The following MAP2K5 variants were observed in gnomAD, a reference collection of about 807,000 sequenced individuals.
The protein encoded by MAP2K5 is mitogen-activated protein kinase kinase 5.
MAP2K5 carries 49 observed loss-of-function variants against 83.1 expected under a neutral mutation model. That is an observed-to-expected ratio of 0.59 (90% CI 0.47 to 0.75). MAP2K5 has a LOEUF of 0.75. MAP2K5 is among the 30% of genes least tolerant of loss of function. MAP2K5 has a pLI of 0.00. For missense variants in MAP2K5, 457 were observed against 557.5 expected (o/e 0.82, Z 1.82); for synonymous variants, 202 against 191.8 (o/e 1.05, Z -0.44).
rs978908730 is a variant in MAP2K5, at chr15:67,749,110, G to A, written c.1134+509G>A. On this transcript the variant is annotated intron_variant, in intron 19 of 21. Coordinates refer to ENST00000178640, the MANE Select transcript of MAP2K5 (RefSeq NM_145160.3). This position sits in a 1 kb window ranked among gnomAD's most constrained non-coding sequence, Gnocchi z 4.6. ...TAATTAGGCATTTTTCTCAGAATAT[G>A]TCCCTAACATCTTGTGTATTCTAGT... 6.6e-6 allele frequency among the ~76,000 whole-genome samples: 1 copy of A among 152,160 alleles called. No homozygotes were observed. Among genetic ancestry groups the A allele is most frequent in the Admixed American group, 6.5e-5 (1 of 15,272 alleles).
intron 13 of MAP2K5, chr15:67,670,569 AAAG>A (rs1426520985): frequency 2.7e-6 from 1 of 376,120 alleles, no homozygotes; most frequent in African/African-American, 2.1e-5. Context: ...GACACTCTAG[AAAG>A]AAGTTTTCCC....
At chr15:67,703,143 T>G (rs2088463934) in intron 15 of MAP2K5, among the ~76,000 whole-genome samples, 194 bp from the exon 16 acceptor site, 1 of 152,202 alleles carries the variant, frequency 6.6e-6, no homozygotes, top group Admixed American at 6.5e-5. Flanking sequence ...AGAATATATC[T>G]ATATATAATT....
At chr15:67,617,241 T>C (rs914029148) in intron 8 of MAP2K5, among the ~76,000 whole-genome samples, 2 of 152,168 alleles carry the variant, frequency 1.3e-5, no homozygotes, top group Non-Finnish European at 2.9e-5. Context: ...TAGGCCAGCC[T>C]CCCCCATTCT....
chr15:67,563,453 T>G lies in MAP2K5; in HGVS notation c.252+103T>G. The G allele has an allele frequency of 7.1e-7, 1 of 1,408,210 alleles. No homozygotes were observed. Among genetic ancestry groups the G allele is most frequent in the Admixed American group, 2.4e-5 (1 of 41,560 alleles). The allele number at this position is 1,408,210 out of a possible 1,614,324, so 87.2% of individuals were successfully genotyped here. ...ACGAGTAAATAAATCACAGTTGTCA[T>G]ACATTTTTCTATATAATAGGTAAAG... On this transcript the variant is annotated intron_variant, in intron 3 of 21. Coordinates refer to ENST00000178640, the MANE Select transcript of MAP2K5 (RefSeq NM_145160.3). This position sits in a 1 kb window ranked among gnomAD's most constrained non-coding sequence, Gnocchi z 4.5.
At chr15:67,605,012 A>C (rs571747468) in intron 8 of MAP2K5, among the ~76,000 whole-genome samples, 19 of 151,824 alleles carry the variant, frequency 1.3e-4, no homozygotes, top group African/African-American at 4.6e-4. Flanking sequence ...TAGAAAAATT[A>C]TTTACATTTT....
rs1477926525 is a variant in MAP2K5, at chr15:67,750,929, A to G, written c.1134+2328A>G. Among the ~76,000 whole-genome samples the G allele has an allele frequency of 6.6e-6, 1 of 152,124 alleles. No individual in the cohort carries two copies. The highest frequency in any genetic ancestry group is 1.5e-5 in the Non-Finnish European group (1 of 68,032). On this transcript the variant is annotated intron_variant, in intron 19 of 21. Transcript: ENST00000178640. This position sits in a 1 kb window ranked among gnomAD's most constrained non-coding sequence, Gnocchi z 4.2. Reference sequence around the variant, plus strand: ...GATCAAAAATTACTTCCCCTGAGGGAAGTTCAGACAAGATGGGTATATTTG... The same window carrying G: ...GATCAAAAATTACTTCCCCTGAGGGGAGTTCAGACAAGATGGGTATATTTG...
At chr15:67,693,005 C>T (rs559344340) in intron 14 of MAP2K5, among the ~76,000 whole-genome samples, 6 of 152,168 alleles carry the variant, frequency 3.9e-5, no homozygotes, top group Non-Finnish European at 7.3e-5. Context: ...GATAGTGACC[C>T]ATGAGCATGC....
intron 12 of MAP2K5, 76 bp from the exon 13 acceptor site, chr15:67,664,520 GA>G: frequency 3.4e-6 from 3 of 889,888 alleles, no homozygotes; most frequent in Non-Finnish European, 3.6e-6. Flanking sequence ...AAAAAATGTT[GA>G]ATGTATTTAA....
chr15:67,751,156 C>T (rs934470647), intron 19 of MAP2K5, among the ~76,000 whole-genome samples: 1 of 151,982 alleles, frequency 6.6e-6, no homozygotes, highest in Non-Finnish European at 1.5e-5. Flanking sequence ...TGGAACAAAG[C>T]CAGAGTTAGC....
At chr15:67,617,495 A>G (rs1398516414) in intron 8 of MAP2K5, among the ~76,000 whole-genome samples, 1 of 152,154 alleles carries the variant, frequency 6.6e-6, no homozygotes, top group Non-Finnish European at 1.5e-5. Flanking sequence ...GATGATTCAT[A>G]TTTTTTGGTT....
At chr15:67,671,042 C>CA (rs2087521406) in intron 13 of MAP2K5, among the ~76,000 whole-genome samples, 2 of 152,222 alleles carry the variant, frequency 1.3e-5, no homozygotes, top group Admixed American at 1.3e-4. Context: ...CTGACTGCCT[C>CA]ACTGGGTGAC....
At chr15:67,733,795 G>T (rs1291422585) in intron 17 of MAP2K5, among the ~76,000 whole-genome samples, 3 of 152,158 alleles carry the variant, frequency 2.0e-5, no homozygotes, top group African/African-American at 7.2e-5. Context: ...TGAAAAATAT[G>T]CATTCTTAAT....
chr15:67,627,516 C>G (rs910842816), intron 8 of MAP2K5, among the ~76,000 whole-genome samples: 1 of 152,206 alleles, frequency 6.6e-6, no homozygotes, highest in Admixed American at 6.5e-5. Flanking sequence ...TCTTATAACA[C>G]TCATATATTT....
At chr15:67,570,563 C>T (rs1006689598) in intron 3 of MAP2K5, among the ~76,000 whole-genome samples, 1 of 152,048 alleles carries the variant, frequency 6.6e-6, no homozygotes, top group East Asian at 1.9e-4. Flanking sequence ...TATTTTTGAC[C>T]ACTGGGGCAG....
chr15:67,566,673 C>G (rs1172433983), intron 3 of MAP2K5, among the ~76,000 whole-genome samples: 1 of 152,238 alleles, frequency 6.6e-6, no homozygotes, highest in East Asian at 1.9e-4. Flanking sequence ...TTTGCAACCT[C>G]TGAGTTGAAA....
At chr15:67,743,572 T>C (rs182172016) in intron 17 of MAP2K5, among the ~76,000 whole-genome samples, 2 of 152,342 alleles carry the variant, frequency 1.3e-5, no homozygotes, top group African/African-American at 4.8e-5. Flanking sequence ...GTGATTTGTT[T>C]GGGAACTCTT....
intron 16 of MAP2K5, among the ~76,000 whole-genome samples, chr15:67,704,178 A>G (rs2088494407): frequency 6.6e-6 from 1 of 152,240 alleles, no homozygotes; most frequent in African/African-American, 2.4e-5. Flanking sequence ...GAATTATGGT[A>G]GTATAGAACC....
intron 8 of MAP2K5, among the ~76,000 whole-genome samples, chr15:67,609,023 C>G (rs898489947): frequency 6.6e-6 from 1 of 152,154 alleles, no homozygotes; most frequent in Non-Finnish European, 1.5e-5. Flanking sequence ...TGCTGGGTGA[C>G]TCTGGGAAGT....
intron 19 of MAP2K5, among the ~76,000 whole-genome samples, chr15:67,753,251 A>G (rs1485143597): frequency 3.3e-5 from 5 of 152,236 alleles, no homozygotes; most frequent in Non-Finnish European, 7.3e-5. Flanking sequence ...TCTCAAAAGG[A>G]AACATAGATG....
Sources: allele counts gnomAD v4.1 joint callset (sites outside exome capture counted in the v4.1 genomes callset), GRCh38; gene constraint gnomAD v4.1.1; non-coding constraint Gnocchi (gnomAD v3.1); transcripts MANE v1.5; gene names NCBI Gene and HGNC (gene_info 2026-07-23, HGNC 2026-07-21).